Variants in CDH12 observed in about 807,000 individuals in gnomAD.
CDH12 encodes cadherin 12.
CDH12 carries 41 observed loss-of-function variants against 74.1 expected under a neutral mutation model. The observed-to-expected ratio is 0.55, with a 90% CI of 0.43 to 0.72. CDH12 has a LOEUF of 0.72. CDH12 is among the 30% of genes least tolerant of loss of function. The pLI is 0.00. For missense variants in CDH12, 945 were observed against 977.2 expected (o/e 0.97, Z 0.44); for synonymous variants, 399 against 355.0 (o/e 1.12, Z -1.39).
At chr5:22,487,967 A>C (rs1374909981) in intron 2 of CDH12, among the ~76,000 whole-genome samples, 1 of 152,210 alleles carries the variant, frequency 6.6e-6, no homozygotes. Context: ...TATAAATGTC[A>C]ATTGGTTTTA....
At chr5:21,992,657 T>C (rs888073065) in intron 5 of CDH12, among the ~76,000 whole-genome samples, 1 of 152,198 alleles carries the variant, frequency 6.6e-6, no homozygotes, top group Non-Finnish European at 1.5e-5. Flanking sequence ...TTAGTTTTCT[T>C]ACTGATCATC....
At chr5:22,511,358 T>C (rs180894826) in intron 1 of CDH12, among the ~76,000 whole-genome samples, 50 of 152,270 alleles carry the variant, frequency 3.3e-4, no homozygotes, top group East Asian at 3.1e-3. Context: ...TGGAACATAA[T>C]TTAGTGTAAA....
At chr5:22,643,169 C>G (rs928435676) in intron 1 of CDH12, among the ~76,000 whole-genome samples, 3 of 152,098 alleles carry the variant, frequency 2.0e-5, no homozygotes, top group Non-Finnish European at 4.4e-5. Flanking sequence ...ATTAAGGCTT[C>G]GTGAAATAGA....
intron 2 of CDH12, among the ~76,000 whole-genome samples, chr5:22,425,593 A>G (rs1408789868): frequency 1.3e-5 from 2 of 152,162 alleles, no homozygotes; most frequent in Non-Finnish European, 2.9e-5. Context: ...AGAAATATAT[A>G]CACTTTAATA....
intron 3 of CDH12, among the ~76,000 whole-genome samples, chr5:22,237,575 T>C (rs1752601954): frequency 6.6e-6 from 1 of 152,144 alleles, no homozygotes; most frequent in African/African-American, 2.4e-5. Context: ...CTTATTAGAC[T>C]GAATTTGCCA....
At chr5:22,100,017 G>A (rs1258257874) in intron 4 of CDH12, among the ~76,000 whole-genome samples, 2 of 151,904 alleles carry the variant, frequency 1.3e-5, no homozygotes, top group Admixed American at 6.6e-5. Flanking sequence ...CCCTAATGCC[G>A]CTCGAAGCAG....
intron 1 of CDH12, among the ~76,000 whole-genome samples, chr5:22,774,581 A>G (rs1746988748): frequency 6.6e-6 from 1 of 152,000 alleles, no homozygotes; most frequent in South Asian, 2.1e-4. Flanking sequence ...ATGAGATCTG[A>G]TGGTTTTCAA....
At position 22,121,076 on chromosome 5, in the gene CDH12, C is replaced by T. The variant is rs140825443; in HGVS notation, c.-186-42214G>A. On this transcript the variant is annotated intron_variant, in intron 4 of 14. Transcript: ENST00000382254. Reference sequence around the variant, plus strand: ...GGCAAAACAGTGAGTTTATGTTTCACTTAATTCCAAATTTAAAATTCAGAC... The same window carrying T: ...GGCAAAACAGTGAGTTTATGTTTCATTTAATTCCAAATTTAAAATTCAGAC... Among the ~76,000 whole-genome samples the T allele has an allele frequency of 2.6e-3, 395 of 152,270 alleles. 6 individuals carry two copies. The highest frequency in any genetic ancestry group is 9.0e-3 in the African/African-American group (373 of 41,562).
intron 5 of CDH12, among the ~76,000 whole-genome samples, chr5:22,063,795 T>G (rs921667435): frequency 1.3e-5 from 2 of 152,162 alleles, no homozygotes; most frequent in East Asian, 3.9e-4. Flanking sequence ...TTGGAAACCC[T>G]AATAAAACAG....
intron 2 of CDH12, among the ~76,000 whole-genome samples, chr5:22,426,517 A>G (rs1040433623): frequency 6.6e-6 from 1 of 152,118 alleles, no homozygotes; most frequent in African/African-American, 2.4e-5. Context: ...AATGATAGGC[A>G]AGAACCCCCC....
At chr5:22,311,748 G>C (rs1738402084) in intron 3 of CDH12, among the ~76,000 whole-genome samples, 1 of 150,858 alleles carries the variant, frequency 6.6e-6, no homozygotes, top group Admixed American at 6.6e-5. Context: ...TGGGTACATG[G>C]TTGTGGTGTG....
intron 14 of CDH12, among the ~76,000 whole-genome samples, chr5:21,752,874 C>CTTTA (rs1376346354): frequency 6.6e-6 from 1 of 151,998 alleles, no homozygotes; most frequent in Non-Finnish European, 1.5e-5. Flanking sequence ...ATCTTACAAA[C>CTTTA]TAAAGCATTA....
At chr5:22,218,249 A>G (rs1476070342) in intron 3 of CDH12, among the ~76,000 whole-genome samples, 15 of 151,574 alleles carry the variant, frequency 9.9e-5, no homozygotes, top group Non-Finnish European at 1.2e-4. Flanking sequence ...TGAAGTATTC[A>G]CTCCAAAGAA....
intron 3 of CDH12, among the ~76,000 whole-genome samples, chr5:22,255,182 C>T (rs777384305): frequency 6.6e-6 from 1 of 151,652 alleles, no homozygotes; most frequent in African/African-American, 2.4e-5. Context: ...AAGCCTTATT[C>T]ATTAGCTAGG....
chr5:22,078,640 C>T lies in CDH12; in HGVS notation c.37G>A (p.Val13Ile). ...TRNCLSLLLW[V>I]LFDGGLLTPL... ...GTTAGGAGACCTCCATCAAACAGAA[C>T]CCAGAGAAGCAGGGATAAACAGTTC... Residue 13 changes from valine (V) to isoleucine (I), a missense_variant, in exon 5 of 15, where the codon GTT becomes ATT. Transcript: ENST00000382254. The T allele has an allele frequency of 1.2e-6, 2 of 1,613,712 alleles. No homozygotes were observed. The highest frequency in any genetic ancestry group is 1.7e-6 in the Non-Finnish European group (2 of 1,179,768).
chr5:21,942,334 G>GTATATATATA lies in CDH12; in HGVS notation c.526+32747_526+32756dup, dbSNP rs761850084. Among the ~76,000 whole-genome samples, 429 of 106,976 alleles carry GTATATATATA rather than the reference G, an allele frequency of 4.0e-3. 4 individuals are homozygous for GTATATATATA. Among genetic ancestry groups the GTATATATATA allele is most frequent in the African/African-American group, 0.018 (397 of 21,618 alleles). 70.2% of individuals were successfully genotyped at this position (106,976 alleles called of 152,430 possible). A position where few individuals can be genotyped will look rare whatever the true frequency, so the allele number is the denominator to read the frequency against. On this transcript the variant is annotated intron_variant, in intron 6 of 14. Coordinates refer to ENST00000382254, the MANE Select transcript of CDH12 (RefSeq NM_004061.5). ...CTCCAGCCACTATGAGACAAATACA[G>GTATATATATA]TATATATATATATACACACACACAC...
At chr5:22,461,004 AG>A (rs1745490030) in intron 2 of CDH12, among the ~76,000 whole-genome samples, 2 of 137,876 alleles carry the variant, frequency 1.5e-5, no homozygotes, top group Non-Finnish European at 3.1e-5. Context: ...TACAGGTGTG[AG>A]CCACCGCGCC....
At chr5:22,723,108 C>A (rs1743982907) in intron 1 of CDH12, among the ~76,000 whole-genome samples, 1 of 152,118 alleles carries the variant, frequency 6.6e-6, no homozygotes. Flanking sequence ...ATTGCTAATT[C>A]TTTTCTTTAA....
intron 1 of CDH12, among the ~76,000 whole-genome samples, chr5:22,845,028 T>C (rs1737239883): frequency 6.6e-6 from 1 of 152,146 alleles, no homozygotes; most frequent in African/African-American, 2.4e-5. Flanking sequence ...CTTTTCAGTA[T>C]GCTCCGGGTG....
Sources: gnomAD v4.1 joint callset for allele counts (sites outside exome capture counted in the v4.1 genomes callset) on GRCh38, gnomAD v4.1.1 for gene constraint, MANE v1.5 for transcripts, NCBI Gene and HGNC (gene_info 2026-07-23, HGNC 2026-07-21) for gene names.